The following THADA variants were observed in gnomAD, a reference collection of about 807,000 sequenced individuals.
The protein encoded by THADA is THADA armadillo repeat containing.
A neutral mutation model predicts 219.8 loss-of-function variants in THADA; 213 were observed. That is an observed-to-expected ratio of 0.97 (90% CI 0.87 to 1.09). The LOEUF is 1.09. Among genes scored for constraint, THADA ranks in the 50% least tolerant of loss-of-function variants. THADA has a pLI of 0.00. For synonymous variants in THADA, 1,018 were observed against 828.9 expected (o/e 1.23, Z -3.92); for missense variants, 2,956 against 2,311.3 (o/e 1.28, Z -5.72).
chr2:43,380,169 G>T (rs548631112), intron 29 of THADA, among the ~76,000 whole-genome samples: 3 of 152,262 alleles, frequency 2.0e-5, no homozygotes, highest in Admixed American at 2.0e-4. Flanking sequence ...TTTAATGTAC[G>T]CAAATGTTTA....
At chr2:43,509,855 G>C (rs1281882025) in intron 22 of THADA, among the ~76,000 whole-genome samples, 1 of 152,044 alleles carries the variant, frequency 6.6e-6, no homozygotes, top group Non-Finnish European at 1.5e-5. Context: ...CCTACTACTA[G>C]CAGGCTCTGT....
chr2:43,440,248 T>C (rs1010009381), intron 26 of THADA, among the ~76,000 whole-genome samples: 1 of 152,190 alleles, frequency 6.6e-6, no homozygotes, highest in Non-Finnish European at 1.5e-5. Flanking sequence ...ATCTGCAAAA[T>C]TATTCCATGT....
In THADA at chr2:43,577,019, C is replaced by T. The variant is rs559625189; in HGVS notation, c.1037+3G>A. 7 of 1,610,816 alleles carry T rather than the reference C, an allele frequency of 4.3e-6. No homozygotes were observed. Among genetic ancestry groups the T allele is most frequent in the Non-Finnish European group, 5.1e-6 (6 of 1,178,332 alleles). On this transcript the variant is annotated splice_donor_region_variant and intron_variant, in intron 10 of 37. Transcript: ENST00000405975. ...AATATGAGACGATAGCATCAAAACT[C>T]ACTGTGAACTCAAGGTGAACAAAAC...
chr2:43,536,135 G>A (rs996949841), intron 21 of THADA, among the ~76,000 whole-genome samples: 1 of 152,146 alleles, frequency 6.6e-6, no homozygotes, highest in East Asian at 1.9e-4. Context: ...TATAGAGTGA[G>A]AGGTGGGTCT....
chr2:43,288,692 T>C (rs956414774), intron 34 of THADA, among the ~76,000 whole-genome samples: 13 of 152,218 alleles, frequency 8.5e-5, no homozygotes, highest in African/African-American at 2.7e-4. Context: ...TTCAGGGTTT[T>C]TAAGGAAGCT....
At chr2:43,508,609 C>A in intron 23 of THADA, 39 bp downstream of exon 23, 2 of 1,597,918 alleles carry the variant, frequency 1.3e-6, no homozygotes, top group Non-Finnish European at 1.7e-6. Context: ...CATCAAAAGA[C>A]AAATATAAAC....
At chr2:43,305,503 G>A (rs765300531) in intron 31 of THADA, among the ~76,000 whole-genome samples, 29 of 152,168 alleles carry the variant, frequency 1.9e-4, no homozygotes, top group Non-Finnish European at 4.0e-4. Flanking sequence ...ACACCCCTTG[G>A]AAAACATTCC....
At chr2:43,326,239 A>G (rs1330600603) in intron 30 of THADA, among the ~76,000 whole-genome samples, 1 of 151,744 alleles carries the variant, frequency 6.6e-6, no homozygotes, top group Non-Finnish European at 1.5e-5. Context: ...ATGCTAGAGT[A>G]TGATGGGTGC....
At position 43,541,298 on chromosome 2, in the gene THADA, C is replaced by T; in HGVS notation, c.3125G>A (p.Cys1042Tyr). ...CAGCACCATCTGCGCAGTTACATCA[C>T]ATGTTTTTACTTCTTTACCTTAAAC... is the stretch of plus-strand genomic sequence containing the variant. The part of the protein sequence containing the change: ...TEIKGKEVKT[C>Y]DVTAQMVLVC... The change falls in exon 21 of 38, where the codon TGT becomes TAT. Residue 1042 changes from cysteine to tyrosine, a missense_variant. Transcript: ENST00000405975. 3 of 1,613,192 alleles carry T rather than the reference C, an allele frequency of 1.9e-6. No individual in the cohort carries two copies. Among genetic ancestry groups the T allele is most frequent in the East Asian group, 2.2e-5 (1 of 44,850 alleles).
At chr2:43,276,239 G>A (rs1194397977) in intron 36 of THADA, among the ~76,000 whole-genome samples, 1 of 152,200 alleles carries the variant, frequency 6.6e-6, no homozygotes, top group Admixed American at 6.5e-5. Context: ...GAGGGGCAGA[G>A]AGGGTCCTGC....
At chr2:43,306,247 A>G (rs1029172746) in intron 31 of THADA, among the ~76,000 whole-genome samples, 1 of 152,116 alleles carries the variant, frequency 6.6e-6, no homozygotes, top group African/African-American at 2.4e-5. Flanking sequence ...CCTGGGCTCA[A>G]GCAATTTACC....
At chr2:43,462,748 C>T (rs1683784442) in intron 26 of THADA, among the ~76,000 whole-genome samples, 1 of 152,262 alleles carries the variant, frequency 6.6e-6, no homozygotes, top group Admixed American at 6.5e-5. Flanking sequence ...GCTTTCCGTT[C>T]TCCCTCAGTG....
chr2:43,498,980 T>A, intron 24 of THADA, 25 bp from the exon 25 acceptor site: 2 of 1,550,696 alleles, frequency 1.3e-6, no homozygotes, highest in Non-Finnish European at 1.7e-6. Flanking sequence ...TCAAAATTAG[T>A]TGTGGGTTGA....
chr2:43,535,675 C>CAAAAAAAAAAAAA (rs1177702416), intron 21 of THADA, among the ~76,000 whole-genome samples: 2 of 30,352 alleles, frequency 6.6e-5, no homozygotes, highest in African/African-American at 2.4e-4. Context: ...CAGCGAGACT[C>CAAAAAAAAAAAAA]AAAAAAAAAA....
intron 29 of THADA, among the ~76,000 whole-genome samples, chr2:43,387,905 T>A (rs1422581686): frequency 6.6e-6 from 1 of 152,188 alleles, no homozygotes; most frequent in Non-Finnish European, 1.5e-5. Flanking sequence ...GGAAAAGAGT[T>A]TTATTACTTA....
intron 28 of THADA, among the ~76,000 whole-genome samples, chr2:43,405,878 T>G (rs1351782786): frequency 6.6e-6 from 1 of 152,162 alleles, no homozygotes; most frequent in Non-Finnish European, 1.5e-5. Flanking sequence ...TAAAAAAAAT[T>G]ATGAAGAAAG....
At chr2:43,438,151 A>C (rs569338297) in intron 26 of THADA, among the ~76,000 whole-genome samples, 1 of 152,096 alleles carries the variant, frequency 6.6e-6, no homozygotes, top group South Asian at 2.1e-4. Flanking sequence ...AATTAAAAAA[A>C]ATTAGCCGGG....
chr2:43,462,565 G>T (rs1341890913), intron 26 of THADA, among the ~76,000 whole-genome samples: 1 of 152,192 alleles, frequency 6.6e-6, no homozygotes, highest in Non-Finnish European at 1.5e-5. Flanking sequence ...ATATTTAAAT[G>T]TAATATATGG....
At chr2:43,562,474 G>C (rs1447874077) in intron 15 of THADA, 1 of 152,210 alleles carries the variant, frequency 6.6e-6, no homozygotes, top group East Asian at 1.9e-4. Context: ...TTAAACTCCT[G>C]ATCTCAGGTG....
Sources: allele counts gnomAD v4.1 joint callset (sites outside exome capture counted in the v4.1 genomes callset), GRCh38; gene constraint gnomAD v4.1.1; transcripts MANE v1.5; gene names NCBI Gene and HGNC (gene_info 2026-07-23, HGNC 2026-07-21).